ATP6V0A4: variants seen among roughly 807,000 people sequenced by gnomAD.
ATP6V0A4 encodes the protein ATPase H+ transporting V0 subunit a4.
In ATP6V0A4, 86 loss-of-function variants were observed where a neutral mutation model predicts 107.3. The observed-to-expected ratio is 0.80, with a 90% confidence interval of 0.67 to 0.96. The LOEUF is 0.96. ATP6V0A4 is among the 40% of genes least tolerant of loss of function. The pLI is 0.00. For missense variants in ATP6V0A4, 908 were observed against 1,045.6 expected, an observed-to-expected ratio of 0.87 and a Z score of 1.81; for synonymous variants, 353 against 381.4, an observed-to-expected ratio of 0.93 and a Z score of 0.87.
intron 2 of ATP6V0A4, among the ~76,000 whole-genome samples, chr7:138,776,457 G>A (rs1393099547): frequency 6.6e-6 from 1 of 152,182 alleles, no homozygotes; most frequent in Non-Finnish European, 1.5e-5. Flanking sequence ...CTCAAGATTT[G>A]CAAAGAAGAG....
chr7:138,747,380 A>G lies in ATP6V0A4; in HGVS notation c.1320+45T>C, dbSNP rs756814851. The G allele has an allele frequency of 3.8e-6, 6 of 1,596,966 alleles. No individual in the cohort carries two copies. In the South Asian group the frequency reaches 6.6e-5, roughly 18 times the overall value. ...TGGTGAAAACCACATACAGATTTTCATATTCTGAAAATGAATCAGGGCAAG... is the reference window on the plus strand; with the variant it reads ...TGGTGAAAACCACATACAGATTTTCGTATTCTGAAAATGAATCAGGGCAAG... On this transcript the variant is annotated intron_variant, in intron 13 of 21. Coordinates refer to ENST00000310018, the MANE Select transcript of ATP6V0A4 (RefSeq NM_020632.3).
At chr7:138,754,317 G>A (rs1391975487) in intron 10 of ATP6V0A4, among the ~76,000 whole-genome samples, 2 of 151,774 alleles carry the variant, frequency 1.3e-5, no homozygotes, top group African/African-American at 2.4e-5. Flanking sequence ...GCATGGTGGC[G>A]CATGCCTGTA....
chr7:138,734,520 G>T (rs980355579), intron 15 of ATP6V0A4, among the ~76,000 whole-genome samples: 1 of 151,966 alleles, frequency 6.6e-6, no homozygotes, highest in Non-Finnish European at 1.5e-5. Flanking sequence ...AAAATCCTAC[G>T]TGAAAAGATA....
At position 138,771,191 on chromosome 7, in the gene ATP6V0A4, C is replaced by A. The variant is rs1441793708; in HGVS notation, c.57G>T (p.Val19=). 6.2e-7 allele frequency: 1 copy of A among 1,614,184 alleles called. No homozygotes were observed. The highest frequency in any genetic ancestry group is 2.2e-5 in the East Asian group (1 of 44,884). Reference sequence around the variant, plus strand: ...CAGCCACACAGCAATATGCAGCTTCCACCTGGAGAAACAGTTGTGACAAAC... The same window carrying A: ...CAGCCACACAGCAATATGCAGCTTCAACCTGGAGAAACAGTTGTGACAAAC... The part of the protein sequence containing the change: ...EMCLSQLFLQ[V]EAAYCCVAEL... The change falls in exon 3 of 22, where the codon GTG becomes GTT. Residue 19 remains valine (V), a synonymous_variant. Transcript: ENST00000310018.
chr7:138,717,837 G>A (rs1804124654), intron 19 of ATP6V0A4, among the ~76,000 whole-genome samples: 1 of 150,520 alleles, frequency 6.6e-6, no homozygotes, highest in Admixed American at 6.6e-5. Context: ...GAACCCGGGA[G>A]GCGGAGGTTG....
intron 1 of ATP6V0A4, among the ~76,000 whole-genome samples, chr7:138,788,587 T>G (rs1469154854): frequency 6.6e-6 from 1 of 152,140 alleles, no homozygotes; most frequent in Non-Finnish European, 1.5e-5. Flanking sequence ...TATACCAAAC[T>G]CTATAATATC....
At chr7:138,770,437 T>C (rs1420752738) in intron 3 of ATP6V0A4, among the ~76,000 whole-genome samples, 2 of 152,116 alleles carry the variant, frequency 1.3e-5, no homozygotes, top group Non-Finnish European at 2.9e-5. Context: ...CAACAAAACT[T>C]CAACTCTCAG....
intron 21 of ATP6V0A4, among the ~76,000 whole-genome samples, chr7:138,707,188 TATATATA>T (rs1803440132): frequency 1.8e-5 from 1 of 54,412 alleles, no homozygotes; most frequent in Non-Finnish European, 3.1e-5. Flanking sequence ...TATAATATAT[TATATATA>T]TTATATAATA....
intron 10 of ATP6V0A4, among the ~76,000 whole-genome samples, chr7:138,753,933 G>A (rs1305959551): frequency 6.6e-6 from 1 of 152,168 alleles, no homozygotes; most frequent in Non-Finnish European, 1.5e-5. Context: ...AAAGGAGAAA[G>A]CTGCCCCTGC....
chr7:138,766,050 C>A (rs925487732), intron 5 of ATP6V0A4, among the ~76,000 whole-genome samples: 1 of 151,962 alleles, frequency 6.6e-6, no homozygotes, highest in Non-Finnish European at 1.5e-5. Flanking sequence ...CCATGGCCAG[C>A]CCTGGTGCTG....
At chr7:138,737,579 C>CTT (rs373540257) in intron 15 of ATP6V0A4, among the ~76,000 whole-genome samples, 67 of 134,650 alleles carry the variant, frequency 5.0e-4, no homozygotes, top group Non-Finnish European at 7.7e-4. Context: ...TTTTCTTTTT[C>CTT]TTTTTTTTTT....
At chr7:138,744,562 CTTGCTGTGTTGCCCAG>C (rs1488025561) in intron 14 of ATP6V0A4, among the ~76,000 whole-genome samples, 1 of 152,076 alleles carries the variant, frequency 6.6e-6, no homozygotes, top group East Asian at 1.9e-4. Flanking sequence ...GAGACAGCAT[CTTGCTGTGTTGCCCAG>C]GCTGGAGTGC....
intron 1 of ATP6V0A4, among the ~76,000 whole-genome samples, chr7:138,790,063 A>C (rs1225965153): frequency 6.6e-6 from 1 of 152,088 alleles, no homozygotes; most frequent in African/African-American, 2.4e-5. Flanking sequence ...GAAACACAAA[A>C]AAGTATTAAA....
At chr7:138,767,031 G>C (rs555230210) in intron 5 of ATP6V0A4, among the ~76,000 whole-genome samples, 4 of 152,280 alleles carry the variant, frequency 2.6e-5, no homozygotes, top group Admixed American at 2.6e-4. Flanking sequence ...TGAGAAACCA[G>C]CTGTTTCTAT....
intron 19 of ATP6V0A4, among the ~76,000 whole-genome samples, chr7:138,716,891 A>C (rs1350061009): frequency 6.6e-6 from 1 of 152,128 alleles, no homozygotes. Flanking sequence ...GGTGCTGTAC[A>C]TGCCCTCAAG....
chr7:138,753,942 G>A (rs1806373201), intron 10 of ATP6V0A4, among the ~76,000 whole-genome samples: 2 of 152,136 alleles, frequency 1.3e-5, no homozygotes, highest in African/African-American at 4.8e-5. Context: ...AGCTGCCCCT[G>A]CAGAAGCTGC....
Position 138,747,484 on chromosome 7 carries a change from C to G in ATP6V0A4, c.1261G>C (p.Ala421Pro). 1 of 1,614,058 alleles carries G rather than the reference C, an allele frequency of 6.2e-7. No homozygotes were observed. Among genetic ancestry groups the G allele is most frequent in the Non-Finnish European group, 8.5e-7 (1 of 1,180,024 alleles). The change falls in exon 13 of 22, where the codon GCT becomes CCT. Residue 421 changes from alanine (A) to proline (P), a missense_variant. Coordinates refer to ENST00000310018, the MANE Select transcript of ATP6V0A4 (RefSeq NM_020632.3). Reference protein sequence around the residue: ...DCGHGTVMLLAALWMILNERR... With the variant: ...DCGHGTVMLLPALWMILNERR... ...TCATTCAGAATCATCCAAAGTGCAG[C>G]CAGGAGCATCACGGTTCCATGACCA...
chr7:138,768,649 C>T (rs760251940), intron 5 of ATP6V0A4, 131 bp downstream of exon 5: 52 of 1,134,180 alleles, frequency 4.6e-5, no homozygotes, highest in African/African-American at 1.7e-4. Flanking sequence ...GAGAGGGAGA[C>T]GACCATGCAG....
chr7:138,718,153 GGGATGCAGTCACGGA>G (rs1804175827), intron 19 of ATP6V0A4, among the ~76,000 whole-genome samples: 2 of 128,266 alleles, frequency 1.6e-5, no homozygotes, highest in African/African-American at 5.7e-5. Flanking sequence ...GAAGGAAGGG[GGGATGCAGTCACGGA>G]TGTCTGTGGA....
Sources: gnomAD v4.1 joint callset for allele counts (sites outside exome capture counted in the v4.1 genomes callset) on GRCh38, gnomAD v4.1.1 for gene constraint, MANE v1.5 for transcripts, NCBI Gene and HGNC (gene_info 2026-07-23, HGNC 2026-07-21) for gene names.